GRID2: variants seen among roughly 807,000 people sequenced by gnomAD.
GRID2 encodes glutamate ionotropic receptor delta type subunit 2.
Under a neutral mutation model 114.8 loss-of-function variants are expected in GRID2, and 33 were observed. The observed-to-expected ratio is 0.29, with a 90% CI of 0.22 to 0.38. The LOEUF is 0.38. Among genes scored for constraint, GRID2 ranks in the 10% least tolerant of loss-of-function variants. GRID2 has a pLI of 1.00. For missense variants in GRID2, 1,184 were observed against 1,257.7 expected (o/e 0.94, Z 0.89); for synonymous variants, 505 against 449.9 (o/e 1.12, Z -1.55).
chr4:92,587,760 G>C (rs1044367185), intron 1 of GRID2, among the ~76,000 whole-genome samples: 3 of 152,070 alleles, frequency 2.0e-5, no homozygotes, highest in African/African-American at 7.2e-5. Flanking sequence ...TATCATTTCT[G>C]CAGGTTTCTG....
At chr4:93,448,684 G>T (rs1479048324) in intron 10 of GRID2, among the ~76,000 whole-genome samples, 1 of 151,812 alleles carries the variant, frequency 6.6e-6, no homozygotes, top group Admixed American at 6.6e-5. Context: ...CTGTAGAAAA[G>T]AGAAAAAGAA....
downstream of GRID2, among the ~76,000 whole-genome samples, chr4:93,775,159 A>AC (rs1734342199): frequency 6.6e-6 from 1 of 151,774 alleles, no homozygotes; most frequent in African/African-American, 2.4e-5. Flanking sequence ...AAAAAAAAAA[A>AC]ATAGTTCTCT....
intron 1 of GRID2, among the ~76,000 whole-genome samples, chr4:92,528,959 C>T (rs1288957183): frequency 6.6e-6 from 1 of 151,912 alleles, no homozygotes; most frequent in Non-Finnish European, 1.5e-5. Flanking sequence ...GAGTAATCTC[C>T]TTAGAACATC....
At chr4:92,639,527 G>C (rs2149252229) in intron 2 of GRID2, among the ~76,000 whole-genome samples, 1 of 151,898 alleles carries the variant, frequency 6.6e-6, no homozygotes, top group Middle Eastern at 3.4e-3. Context: ...CTTGTAACCT[G>C]AGAGGTTTTG....
chr4:92,416,541 T>C lies in GRID2; in HGVS notation c.88+111797T>C, dbSNP rs995025854. Among the ~76,000 whole-genome samples the C allele has an allele frequency of 9.2e-5, 14 of 152,272 alleles. 1 individual carries two copies. The Middle Eastern group carries it at 0.017, about 185-fold the overall frequency. Reference sequence around the variant, plus strand: ...CTAGAATTTTTAAAATTTCAGGTCTTAGATTTAAGTTTGTGATCCATATTG... The same window carrying C: ...CTAGAATTTTTAAAATTTCAGGTCTCAGATTTAAGTTTGTGATCCATATTG... On this transcript the variant is annotated intron_variant, in intron 1 of 15. Transcript: ENST00000282020.
At chr4:92,862,888 C>A (rs1421940322) in intron 2 of GRID2, among the ~76,000 whole-genome samples, 2 of 152,024 alleles carry the variant, frequency 1.3e-5, no homozygotes, top group African/African-American at 4.8e-5. Context: ...GGTAGAAAAT[C>A]ATTGACAGCT....
intron 2 of GRID2, among the ~76,000 whole-genome samples, chr4:93,081,180 T>G (rs1729833194): frequency 6.6e-6 from 1 of 152,184 alleles, no homozygotes; most frequent in East Asian, 1.9e-4. Flanking sequence ...CGGAGGAAGT[T>G]ATATCGGGAC....
chr4:93,212,736 T>G (rs1743690925), intron 5 of GRID2, among the ~76,000 whole-genome samples: 1 of 151,648 alleles, frequency 6.6e-6, no homozygotes, highest in African/African-American at 2.4e-5. Flanking sequence ...TGCTGAGTAT[T>G]ACATTTAATG....
chr4:93,586,098 T>G (rs1470641965), intron 13 of GRID2, among the ~76,000 whole-genome samples: 1 of 152,096 alleles, frequency 6.6e-6, no homozygotes, highest in African/African-American at 2.4e-5. Context: ...CAAGCACATT[T>G]TATGCTTGAC....
chr4:93,630,889 C>T (rs1017381137), intron 14 of GRID2, among the ~76,000 whole-genome samples: 3 of 152,064 alleles, frequency 2.0e-5, no homozygotes, highest in African/African-American at 7.2e-5. Flanking sequence ...TCTGTCTTCC[C>T]TTATATTTCT....
chr4:93,469,374 T>G (rs1724588128), intron 11 of GRID2, among the ~76,000 whole-genome samples: 1 of 152,074 alleles, frequency 6.6e-6, no homozygotes, highest in African/African-American at 2.4e-5. Context: ...TAATAATGCC[T>G]TTCAGAGTAG....
intron 2 of GRID2, chr4:92,822,715 AG>A (rs1741372382): frequency 1.2e-5 from 2 of 163,840 alleles, no homozygotes; most frequent in South Asian, 3.0e-4. Flanking sequence ...CCACCTGAAG[AG>A]ATGATTTTGT....
At chr4:93,264,708 T>TTATATATATATATATATATATATATATA (rs1561061890) in intron 8 of GRID2, among the ~76,000 whole-genome samples, 2 of 44,026 alleles carry the variant, frequency 4.5e-5, no homozygotes, top group African/African-American at 3.1e-4. Context: ...GAGTTTTGAA[T>TTATATATATATATATATATATATATATA]GATATATATA....
At chr4:93,521,184 A>G (rs1490607932) in intron 13 of GRID2, among the ~76,000 whole-genome samples, 7 of 152,296 alleles carry the variant, frequency 4.6e-5, no homozygotes, top group African/African-American at 1.7e-4. Context: ...TGAGAAAACC[A>G]TGACAAGAGT....
At chr4:92,415,318 T>G (rs1013545760) in intron 1 of GRID2, among the ~76,000 whole-genome samples, 1 of 151,912 alleles carries the variant, frequency 6.6e-6, no homozygotes, top group Non-Finnish European at 1.5e-5. Context: ...ATTTTGTTTA[T>G]TTTTATTATT....
chr4:92,604,402 G>A (rs556851490), intron 2 of GRID2, among the ~76,000 whole-genome samples: 27 of 152,208 alleles, frequency 1.8e-4, no homozygotes, highest in African/African-American at 6.0e-4. Context: ...CATGGATGGA[G>A]CTGTGAGCTA....
At chr4:92,831,244 A>G (rs1285273212) in intron 2 of GRID2, among the ~76,000 whole-genome samples, 1 of 152,170 alleles carries the variant, frequency 6.6e-6, no homozygotes, top group East Asian at 1.9e-4. Context: ...AGCAACAGAA[A>G]TTTACCAAAG....
rs1025973682 is a variant in GRID2, at chr4:93,773,599, C to G, written c.*1101C>G. 1 of 152,044 alleles carries G rather than the reference C, an allele frequency of 6.6e-6. No homozygotes were observed. Among genetic ancestry groups the G allele is most frequent in the Non-Finnish European group, 1.5e-5 (1 of 67,974 alleles). 9.4% of individuals were successfully genotyped at this position (152,044 alleles called of 1,614,324 possible). ...GCTATTAGCTGAACCACATCCACAA[C>G]AGCACATAGAGCTCTAGAAGAGTTG... On this transcript the variant is annotated 3_prime_UTR_variant, in exon 16 of 16. Coordinates refer to ENST00000282020, the MANE Select transcript of GRID2 (RefSeq NM_001510.4).
intron 14 of GRID2, among the ~76,000 whole-genome samples, chr4:93,732,339 G>A (rs1025071423): frequency 3.3e-5 from 5 of 152,152 alleles, no homozygotes; most frequent in African/African-American, 1.2e-4. Context: ...TCTTTAAGTT[G>A]TAGCTTAAAT....
Sources: allele counts gnomAD v4.1 joint callset (sites outside exome capture counted in the v4.1 genomes callset), GRCh38; gene constraint gnomAD v4.1.1; transcripts MANE v1.5; gene names NCBI Gene and HGNC (gene_info 2026-07-23, HGNC 2026-07-21).